CACNB4: variants seen among roughly 807,000 people sequenced by gnomAD.
CACNB4 encodes the protein calcium voltage-gated channel auxiliary subunit beta 4.
Under a neutral mutation model 71.2 loss-of-function variants are expected in CACNB4, and 32 were observed. That is an observed-to-expected ratio of 0.45 (90% CI 0.34 to 0.60). CACNB4 has a LOEUF of 0.60. Ranked by LOEUF, CACNB4 falls within the 20% of genes least tolerant of loss-of-function variation. CACNB4 has a pLI of 0.01. For missense variants in CACNB4, 464 were observed against 647.9 expected (o/e 0.72, Z 3.08); for synonymous variants, 231 against 236.9 (o/e 0.97, Z 0.23).
chr2:152,006,552 C>G (rs1168169714), intron 2 of CACNB4, among the ~76,000 whole-genome samples: 1 of 151,982 alleles, frequency 6.6e-6, no homozygotes. Flanking sequence ...AGGTGTGAGC[C>G]ACCACATCTG....
intron 2 of CACNB4, among the ~76,000 whole-genome samples, chr2:152,043,252 C>A (rs112804156): frequency 0.062 from 9,368 of 152,232 alleles, 952 homozygotes; most frequent in African/African-American, 0.22. Flanking sequence ...AATACACTTG[C>A]TTTCACTTTA....
intron 2 of CACNB4, among the ~76,000 whole-genome samples, chr2:152,081,452 G>A (rs556703135): frequency 6.6e-6 from 1 of 152,040 alleles, no homozygotes; most frequent in East Asian, 1.9e-4. Context: ...AGGAGTTCAA[G>A]TTCAGCCTGG....
chr2:152,035,649 C>CTA (rs1422018845), intron 2 of CACNB4, among the ~76,000 whole-genome samples: 59 of 116,304 alleles, frequency 5.1e-4, no homozygotes, highest in African/African-American at 2.3e-3. Context: ...CTCTCTCTCT[C>CTA]TCTATATATA....
rs529888359 is a variant in CACNB4, at chr2:151,839,373, G to T, written c.1309C>A (p.Arg437=). The change falls in exon 14 of 14, where the codon CGA becomes AGA. Residue 437 remains arginine, a synonymous_variant. Transcript: ENST00000539935. Reference sequence around the variant, plus strand: ...GTGGAGTGGTTGCTGTGCCTCATTCGCTGACTCTAAAAATATCAGATAGTT... The same window carrying T: ...GTGGAGTGGTTGCTGTGCCTCATTCTCTGACTCTAAAAATATCAGATAGTT... ...PTAISGLQSQ[R]MRHSNHSTEN... 1.0e-5 allele frequency: 16 copies of T among 1,604,726 alleles called. No individual in the cohort carries two copies. Among genetic ancestry groups the T allele is most frequent in the Non-Finnish European group, 7.7e-6 (9 of 1,172,866 alleles).
intron 2 of CACNB4, among the ~76,000 whole-genome samples, chr2:151,910,913 G>T (rs539449952): frequency 2.7e-4 from 41 of 152,286 alleles, no homozygotes; most frequent in African/African-American, 9.9e-4. Context: ...TCACAATATT[G>T]ATTCTTCCTA....
At chr2:151,950,506 C>A (rs527340848) in intron 2 of CACNB4, among the ~76,000 whole-genome samples, 3 of 152,304 alleles carry the variant, frequency 2.0e-5, no homozygotes, top group African/African-American at 4.8e-5. Flanking sequence ...GGAACTCAAA[C>A]GAATACTTGT....
At chr2:152,009,547 A>G (rs1333142502) in intron 2 of CACNB4, among the ~76,000 whole-genome samples, 1 of 152,230 alleles carries the variant, frequency 6.6e-6, no homozygotes, top group African/African-American at 2.4e-5. Flanking sequence ...TCTCTGTACC[A>G]CTGTCACAGT....
At chr2:152,085,199 G>A (rs756177107) in intron 2 of CACNB4, among the ~76,000 whole-genome samples, 2 of 152,042 alleles carry the variant, frequency 1.3e-5, no homozygotes, top group Non-Finnish European at 2.9e-5. Context: ...AGGTACCTGC[G>A]GCCGCCATGC....
At chr2:151,986,694 C>T (rs1681389352) in intron 2 of CACNB4, among the ~76,000 whole-genome samples, 2 of 152,044 alleles carry the variant, frequency 1.3e-5, no homozygotes, top group Non-Finnish European at 2.9e-5. Context: ...AAACAAAGGC[C>T]TGGTATTAGA....
intron 2 of CACNB4, among the ~76,000 whole-genome samples, chr2:151,899,007 C>T (rs758202227): frequency 6.6e-6 from 1 of 152,252 alleles, no homozygotes. Flanking sequence ...AGCTCTTCTT[C>T]TCCCACCAAT....
intron 2 of CACNB4, among the ~76,000 whole-genome samples, chr2:151,922,113 C>G (rs2099859150): frequency 1.3e-5 from 2 of 152,232 alleles, no homozygotes; most frequent in South Asian, 4.1e-4. Flanking sequence ...CTCTTCCACT[C>G]ACAAGAACCC....
chr2:151,971,320 A>T lies in CACNB4; in HGVS notation c.148-87950T>A, dbSNP rs1267913127. On this transcript the variant is annotated intron_variant, in intron 2 of 13. Coordinates refer to ENST00000539935, the MANE Select transcript of CACNB4 (RefSeq NM_000726.5). Reference sequence around the variant, plus strand: ...ACATTGAAAATAATCACTTATCACAAGTTAACCCCCACACACCCCACAAAG... The same window carrying T: ...ACATTGAAAATAATCACTTATCACATGTTAACCCCCACACACCCCACAAAG... 8.4e-6 allele frequency: 5 copies of T among 594,044 alleles called. No individual in the cohort carries two copies. The East Asian group carries it at 1.4e-4, about 16-fold the overall frequency. 36.8% of individuals were successfully genotyped at this position (594,044 alleles called of 1,614,324 possible). A position where few individuals can be genotyped will look rare whatever the true frequency, so the allele number is the denominator to read the frequency against.
At chr2:152,027,489 C>G (rs1684040257) in intron 2 of CACNB4, among the ~76,000 whole-genome samples, 2 of 152,186 alleles carry the variant, frequency 1.3e-5, no homozygotes, top group Admixed American at 1.3e-4. Flanking sequence ...CCCCTGCCAC[C>G]TCCCCTCCTG....
At chr2:151,864,974 T>A (rs2099842697) in intron 9 of CACNB4, among the ~76,000 whole-genome samples, 1 of 152,170 alleles carries the variant, frequency 6.6e-6, no homozygotes, top group Admixed American at 6.5e-5. Context: ...GAGAATCAGG[T>A]CAGATACACT....
chr2:152,030,242 G>A (rs576563198), intron 2 of CACNB4, among the ~76,000 whole-genome samples: 1 of 152,032 alleles, frequency 6.6e-6, no homozygotes, highest in South Asian at 2.1e-4. Flanking sequence ...TGTAGGACAT[G>A]TTTGTTAAGA....
At chr2:151,951,168 C>T (rs113610479) in intron 2 of CACNB4, among the ~76,000 whole-genome samples, 9,855 of 152,182 alleles carry the variant, frequency 0.065, 1,027 homozygotes, top group African/African-American at 0.22. Context: ...TCAAGTGATC[C>T]ACCCACCTCA....
At chr2:151,920,203 G>T (rs535124712) in intron 2 of CACNB4, among the ~76,000 whole-genome samples, 24 of 151,680 alleles carry the variant, frequency 1.6e-4, no homozygotes, top group African/African-American at 5.8e-4. Flanking sequence ...TATTGTAATA[G>T]GAATAGAACA....
intron 2 of CACNB4, among the ~76,000 whole-genome samples, chr2:152,021,833 C>A (rs1050361201): frequency 6.6e-6 from 1 of 152,166 alleles, no homozygotes; most frequent in Admixed American, 6.5e-5. Context: ...ACTCTCACAT[C>A]TAACTCTTAA....
In CACNB4 at chr2:152,013,524, T is replaced by A. The variant is rs539346738; in HGVS notation, c.147+84806A>T. On this transcript the variant is annotated intron_variant, in intron 2 of 13. Transcript: ENST00000539935. Reference sequence around the variant, plus strand: ...ACCTGCTGGAGCCCATTAGCCTGTGTCCTTGTGAGTCCCATGATGGAATCC... The same window carrying A: ...ACCTGCTGGAGCCCATTAGCCTGTGACCTTGTGAGTCCCATGATGGAATCC... Among the ~76,000 whole-genome samples, 12 of 152,184 alleles carry A rather than the reference T, an allele frequency of 7.9e-5. No individual in the cohort carries two copies. In the South Asian group the frequency reaches 2.5e-3, roughly 32 times the overall value.
Sources: gnomAD v4.1 joint callset for allele counts (sites outside exome capture counted in the v4.1 genomes callset) on GRCh38, gnomAD v4.1.1 for gene constraint, MANE v1.5 for transcripts, NCBI Gene and HGNC (gene_info 2026-07-23, HGNC 2026-07-21) for gene names.